NIPSNAP1: variants seen among roughly 807,000 people sequenced by gnomAD.
NIPSNAP1 encodes protein NipSnap homolog 1.
In NIPSNAP1, 25 loss-of-function variants were observed where a neutral mutation model predicts 49.2. That is an observed-to-expected ratio of 0.51 (90% CI 0.37 to 0.71). The LOEUF (loss-of-function observed/expected upper bound fraction) is 0.71. Ranked by LOEUF, NIPSNAP1 falls within the 30% of genes least tolerant of loss-of-function variation. The probability of loss-of-function intolerance (pLI) is 0.00; values close to 1 mark genes in which losing one functional copy is unlikely to be tolerated. For missense variants in NIPSNAP1, 294 were observed against 361.0 expected (o/e 0.81, Z 1.50); for synonymous variants, 143 against 140.7 (o/e 1.02, Z -0.12).
At chr22:29,570,675 G>T in intron 1 of NIPSNAP1, 143 bp from the exon 2 acceptor site, 1 of 1,127,468 alleles carries the variant, frequency 8.9e-7, no homozygotes, top group Non-Finnish European at 1.2e-6. Context: ...GCTCCAGACT[G>T]TGAAATGCTA....
intron 4 of NIPSNAP1, among the ~76,000 whole-genome samples, chr22:29,562,269 T>C (rs1463129459): frequency 2.0e-5 from 3 of 151,974 alleles, no homozygotes; most frequent in South Asian, 2.1e-4. Context: ...AGGGGAGAAC[T>C]GATGGGCTGA....
intron 1 of NIPSNAP1, among the ~76,000 whole-genome samples, chr22:29,578,829 A>G (rs1251235893): frequency 6.6e-6 from 1 of 151,148 alleles, no homozygotes; most frequent in East Asian, 1.9e-4. Flanking sequence ...TCTGAGACCC[A>G]TGCTCCTTTT....
chr22:29,561,482 A>T (rs1229166478), intron 6 of NIPSNAP1, 24 bp downstream of exon 6: 8 of 1,613,540 alleles, frequency 5.0e-6, no homozygotes, highest in Non-Finnish European at 6.8e-6. Context: ...GGGGGGCAGG[A>T]GGGGGTCTGT....
chr22:29,580,337 C>G, intron 1 of NIPSNAP1: 1 of 927,222 alleles, frequency 1.1e-6, no homozygotes, highest in African/African-American at 1.8e-5. Flanking sequence ...CAGAGCAGGG[C>G]CCAAACAAAA....
At chr22:29,563,108 A>G (rs1478332664) in intron 4 of NIPSNAP1, among the ~76,000 whole-genome samples, 3 of 151,600 alleles carry the variant, frequency 2.0e-5, no homozygotes, top group Admixed American at 2.0e-4. Context: ...TAAAAAAAAA[A>G]AAAAAAAATT....
Position 29,570,204 on chromosome 22 carries a change from T to C in NIPSNAP1, c.230A>G (p.His77Arg). The change falls in exon 3 of 10, where the codon CAC becomes CGC. Residue 77 changes from histidine (H) to arginine (R), a missense_variant. Physicochemically the swap from His to Arg is conservative, Grantham distance 29 (BLOSUM62 0). Transcript: ENST00000216121. ...ATCCAGGTATTCAGGCTTTACATTG[T>C]GAACTGCAACAGAGGACAGAGAACA... is the stretch of plus-strand genomic sequence containing the variant. ...ETSNLYKIQF[H>R]NVKPEYLDAY... 3.7e-6 allele frequency: 6 copies of C among 1,613,890 alleles called. No homozygotes were observed. Among genetic ancestry groups the C allele is most frequent in the Non-Finnish European group, 5.1e-6 (6 of 1,179,970 alleles).
In NIPSNAP1 at chr22:29,561,834, G is replaced by A. The variant is rs1278336726; in HGVS notation, c.396C>T (p.Tyr132=). The A allele has an allele frequency of 1.2e-6, 2 of 1,614,148 alleles. No individual in the cohort carries two copies. The highest frequency in any genetic ancestry group is 8.5e-7 in the Non-Finnish European group (1 of 1,180,022). ...TGTTCATGCAGTCCATGAGGGCTGG[G>A]TAGCCACCTGAGAATCGCCACAGGT... ...AVHLWRFSGG[Y]PALMDCMNKL... is the part of the protein sequence containing the mutation. The change falls in exon 5 of 10, where the codon TAC becomes TAT. Residue 132 remains tyrosine, a synonymous_variant. Transcript: ENST00000216121.
rs1415876063 is a variant in NIPSNAP1, at chr22:29,579,123, A to T, written c.98+1862T>A. ...AGTCTCGCTCTGTCACCCGGGTTGG[A>T]GTGCAGTAGCGTGATCTCGGCTCAC... is the stretch of plus-strand genomic sequence containing the variant. On this transcript the variant is annotated intron_variant, in intron 1 of 9. Coordinates refer to ENST00000216121, the MANE Select transcript of NIPSNAP1 (RefSeq NM_003634.4). Among the ~76,000 whole-genome samples the T allele has an allele frequency of 6.0e-5, 9 of 150,566 alleles. 2 individuals carry two copies. Among genetic ancestry groups the T allele is most frequent in the African/African-American group, 2.0e-4 (8 of 40,156 alleles).
At chr22:29,572,571 G>A (rs983856795) in intron 1 of NIPSNAP1, among the ~76,000 whole-genome samples, 2 of 152,070 alleles carry the variant, frequency 1.3e-5, no homozygotes, top group African/African-American at 2.4e-5. Context: ...CACTTTGGGA[G>A]GCTGAGGCAG....
chr22:29,560,047 C>T (rs557952613), intron 8 of NIPSNAP1, among the ~76,000 whole-genome samples: 3 of 152,288 alleles, frequency 2.0e-5, no homozygotes, highest in Non-Finnish European at 4.4e-5. Context: ...CTCAAAACCC[C>T]GAAGGCCTTT....
intron 1 of NIPSNAP1, among the ~76,000 whole-genome samples, chr22:29,578,944 T>C (rs1446926166): frequency 6.6e-6 from 1 of 151,292 alleles, no homozygotes; most frequent in Non-Finnish European, 1.5e-5. Flanking sequence ...TCATAAAAGA[T>C]GATCTTCCCA....
chr22:29,576,854 G>A (rs2064456342), intron 1 of NIPSNAP1, among the ~76,000 whole-genome samples: 1 of 150,772 alleles, frequency 6.6e-6, no homozygotes, highest in Admixed American at 6.6e-5. Flanking sequence ...GAACTCAGAG[G>A]GCAGAGGTTG....
At chr22:29,570,622 G>C (rs555047293) in intron 1 of NIPSNAP1, 90 bp from the exon 2 acceptor site, 1 of 1,519,706 alleles carries the variant, frequency 6.6e-7, no homozygotes, top group Admixed American at 2.0e-5. Flanking sequence ...CCCTAGACCA[G>C]TGACCCACAT....
chr22:29,579,184 T>C lies in NIPSNAP1; in HGVS notation c.98+1801A>G, dbSNP rs1199108842. The stretch of plus-strand genomic sequence containing the variant: ...GTCTCCCGGGTTCAATTGATTCTCC[T>C]GCCTCAGCTTCCTAGTAGCTGGGAT... On this transcript the variant is annotated intron_variant, in intron 1 of 9. Coordinates refer to ENST00000216121, the MANE Select transcript of NIPSNAP1 (RefSeq NM_003634.4). Among the ~76,000 whole-genome samples, 2 of 150,838 alleles carry C rather than the reference T, an allele frequency of 1.3e-5. 1 individual carries two copies. Among genetic ancestry groups the C allele is most frequent in the African/African-American group, 5.0e-5 (2 of 40,350 alleles).
At chr22:29,558,007 G>A (rs750392180) in intron 9 of NIPSNAP1, among the ~76,000 whole-genome samples, 18 of 152,166 alleles carry the variant, frequency 1.2e-4, no homozygotes, top group Non-Finnish European at 2.2e-4. Context: ...TCATGCCTAT[G>A]ATCCCAGCAC....
intron 4 of NIPSNAP1, among the ~76,000 whole-genome samples, chr22:29,567,692 A>G (rs989641280): frequency 1.3e-5 from 2 of 151,914 alleles, no homozygotes; most frequent in Non-Finnish European, 2.9e-5. Flanking sequence ...GTCTCTACAA[A>G]AAATTTAAAA....
intron 1 of NIPSNAP1, among the ~76,000 whole-genome samples, chr22:29,577,540 C>G (rs953096932): frequency 1.3e-5 from 2 of 150,968 alleles, no homozygotes; most frequent in Non-Finnish European, 1.5e-5. Flanking sequence ...CTGTCTCAGT[C>G]TCCCAAGTAG....
rs553684499 is a variant in NIPSNAP1 at position 29,561,350 on chromosome 22, C to G, written c.580-148G>C. ...CTCATTCGCAGGCCCTGACACACACCTGGTGTGCATGTTTGCACACATGTG... is the reference window on the plus strand; with the variant it reads ...CTCATTCGCAGGCCCTGACACACACGTGGTGTGCATGTTTGCACACATGTG... On this transcript the variant is annotated intron_variant, in intron 6 of 9. Coordinates refer to ENST00000216121, the MANE Select transcript of NIPSNAP1 (RefSeq NM_003634.4). 30 of 1,418,966 alleles carry G rather than the reference C, an allele frequency of 2.1e-5. No individual in the cohort carries two copies. The African/African-American group carries it at 3.9e-4, about 19-fold the overall frequency. 87.9% of individuals were successfully genotyped at this position (1,418,966 alleles called of 1,614,324 possible).
intron 1 of NIPSNAP1, among the ~76,000 whole-genome samples, chr22:29,576,402 A>G (rs9613963): frequency 0.25 from 37,121 of 150,744 alleles, 5,107 homozygotes; most frequent in Non-Finnish European, 0.29. Flanking sequence ...AAAACACTAT[A>G]CTTTTTGGCT....
Sources: gnomAD v4.1 joint callset for allele counts (sites outside exome capture counted in the v4.1 genomes callset) on GRCh38, gnomAD v4.1.1 for gene constraint, MANE v1.5 for transcripts, NCBI Gene and HGNC (gene_info 2026-07-23, HGNC 2026-07-21) for gene names.